The following TMEM178B variants were observed in gnomAD, a reference collection of about 807,000 sequenced individuals.
The protein encoded by TMEM178B is transmembrane protein 178B.
Under a neutral mutation model 31.0 loss-of-function variants are expected in TMEM178B, and 5 were observed. The ratio of observed to expected loss-of-function variants is 0.16; its 90% CI spans 0.08 to 0.34. The LOEUF (loss-of-function observed/expected upper bound fraction) is 0.34. TMEM178B is among the 10% of genes least tolerant of loss of function. The probability of loss-of-function intolerance (pLI) is 1.00; values close to 1 mark genes in which losing one functional copy is unlikely to be tolerated. For missense variants in TMEM178B, 275 were observed against 400.3 expected, an observed-to-expected ratio of 0.69 and a Z score of 2.67; for synonymous variants, 164 against 164.0, an observed-to-expected ratio of 1.00 and a Z score of 0.00.
chr7:141,074,260 A>T lies in TMEM178B; in HGVS notation c.-51A>T, dbSNP rs903633174. 6.9e-7 allele frequency: 1 copy of T among 1,454,326 alleles called. No individual in the cohort carries two copies. Among genetic ancestry groups the T allele is most frequent in the Non-Finnish European group, 9.1e-7 (1 of 1,104,792 alleles). The allele number at this position is 1,454,326 out of a possible 1,614,324, so 90.1% of individuals were successfully genotyped here. On this transcript the variant is annotated 5_prime_UTR_variant, in exon 1 of 4. Coordinates refer to ENST00000565468, the MANE Select transcript of TMEM178B (RefSeq NM_001195278.2). This position sits in a 1 kb window ranked among gnomAD's most constrained non-coding sequence, Gnocchi z 5.1. ...CGCTTTGTTCCGGGTGCGGCGAGGG[A>T]AGGCGAGGCTGCGGCGGATCATGCC... is the stretch of plus-strand genomic sequence containing the variant.
At chr7:141,205,332 C>G (rs7807576) in intron 1 of TMEM178B, among the ~76,000 whole-genome samples, 99,976 of 151,582 alleles carry the variant, frequency 0.66, 33,392 homozygotes, top group Middle Eastern at 0.7. Flanking sequence ...CCATCACGTT[C>G]CAATCCTACC....
intron 3 of TMEM178B, among the ~76,000 whole-genome samples, chr7:141,442,404 A>G (rs906391867): frequency 2.6e-5 from 4 of 152,200 alleles, no homozygotes; most frequent in African/African-American, 4.8e-5. Context: ...ACTTAAAACC[A>G]TAAATCAGAT....
At chr7:141,387,669 A>G (rs901337835) in intron 2 of TMEM178B, among the ~76,000 whole-genome samples, 9 of 152,186 alleles carry the variant, frequency 5.9e-5, no homozygotes, top group Admixed American at 3.3e-4. Context: ...GCCTTCTCGT[A>G]TCTGCGCACC....
chr7:141,272,041 C>G (rs1005659394), intron 2 of TMEM178B, among the ~76,000 whole-genome samples: 1 of 152,174 alleles, frequency 6.6e-6, no homozygotes, highest in African/African-American at 2.4e-5. Context: ...AGTCCTACCC[C>G]CTCTTTGGAC....
chr7:141,466,195 G>A (rs1020093258), intron 3 of TMEM178B, among the ~76,000 whole-genome samples: 1 of 152,148 alleles, frequency 6.6e-6, no homozygotes, highest in Non-Finnish European at 1.5e-5. Flanking sequence ...ACATAAAGGT[G>A]TTTTCCCATC....
intron 1 of TMEM178B, among the ~76,000 whole-genome samples, chr7:141,113,933 T>A (rs987198525): frequency 7.9e-5 from 12 of 152,194 alleles, no homozygotes; most frequent in Admixed American, 2.6e-4. Flanking sequence ...AGTACAGAAA[T>A]GCTATATAGA....
intron 2 of TMEM178B, among the ~76,000 whole-genome samples, chr7:141,292,634 C>CTTTTT (rs34248650): frequency 2.8e-4 from 30 of 106,128 alleles, no homozygotes; most frequent in Non-Finnish European, 3.9e-4. Context: ...GCTTTTAGAT[C>CTTTTT]TTTTTTTTTT....
chr7:141,296,504 C>T (rs1440530132), intron 2 of TMEM178B, among the ~76,000 whole-genome samples: 1 of 152,190 alleles, frequency 6.6e-6, no homozygotes, highest in Non-Finnish European at 1.5e-5. Flanking sequence ...GAATAGACAA[C>T]AGTGCCTGCT....
chr7:141,134,742 A>T (rs1004233017), intron 1 of TMEM178B, among the ~76,000 whole-genome samples: 7 of 152,258 alleles, frequency 4.6e-5, no homozygotes, highest in African/African-American at 1.4e-4. Flanking sequence ...GAATGGATTT[A>T]AAAAATGACA....
rs74917510 is a variant in TMEM178B at position 141,316,552 on chromosome 7, C to CTGTGTGTGTG, written c.496+103856_496+103865dup. Among the ~76,000 whole-genome samples the CTGTGTGTGTG allele has an allele frequency of 2.0e-5, 3 of 150,680 alleles. No homozygotes were observed. The South Asian group carries it at 6.3e-4, about 32-fold the overall frequency. On this transcript the variant is annotated intron_variant, in intron 2 of 3. Coordinates refer to ENST00000565468, the MANE Select transcript of TMEM178B (RefSeq NM_001195278.2). Reference sequence around the variant, plus strand: ...GCCTGGAAAAATTGCCTCTGGACTGCTGTGTGTGTGTGTGTGTCATCCACA... The same window carrying CTGTGTGTGTG: ...GCCTGGAAAAATTGCCTCTGGACTGCTGTGTGTGTGTGTGTGTGTGTGTGTGTCATCCACA...
intron 2 of TMEM178B, among the ~76,000 whole-genome samples, chr7:141,321,809 A>G (rs1325832619): frequency 6.9e-6 from 1 of 144,824 alleles, no homozygotes; most frequent in East Asian, 2.0e-4. Context: ...GGAGTTTCTG[A>G]TCTACTTGTC....
intron 2 of TMEM178B, among the ~76,000 whole-genome samples, chr7:141,399,145 C>G (rs1334315917): frequency 6.6e-6 from 1 of 152,228 alleles, no homozygotes; most frequent in Non-Finnish European, 1.5e-5. Flanking sequence ...ATCCTGACTT[C>G]CCTCCCATTT....
intron 2 of TMEM178B, among the ~76,000 whole-genome samples, chr7:141,397,200 T>C (rs1800673168): frequency 6.6e-6 from 1 of 152,190 alleles, no homozygotes; most frequent in African/African-American, 2.4e-5. Flanking sequence ...AACTGTTTCA[T>C]CCAGCTTCTT....
At chr7:141,169,901 G>A (rs930282811) in intron 1 of TMEM178B, among the ~76,000 whole-genome samples, 2 of 152,190 alleles carry the variant, frequency 1.3e-5, no homozygotes, top group Admixed American at 6.5e-5. Flanking sequence ...TTTCAATAGT[G>A]TATGTTCCCT....
chr7:141,164,492 G>A (rs1036390867), intron 1 of TMEM178B, among the ~76,000 whole-genome samples: 1 of 152,100 alleles, frequency 6.6e-6, no homozygotes, highest in Non-Finnish European at 1.5e-5. Context: ...CTTTGTTGCC[G>A]GTGATGGGAC....
intron 2 of TMEM178B, among the ~76,000 whole-genome samples, chr7:141,424,974 C>T (rs1158643811): frequency 2.6e-5 from 4 of 152,198 alleles, no homozygotes; most frequent in Non-Finnish European, 5.9e-5. Flanking sequence ...GACCAAGACA[C>T]CTTCCCAGAG....
chr7:141,153,638 T>C (rs991332413), intron 1 of TMEM178B, among the ~76,000 whole-genome samples: 2 of 152,238 alleles, frequency 1.3e-5, no homozygotes, highest in East Asian at 3.8e-4. Flanking sequence ...TATTTCATTA[T>C]TTTTAAACTT....
At chr7:141,499,901 C>T in the TMEM178B span, among the ~76,000 whole-genome samples, 8 of 152,132 alleles carry the variant, frequency 5.3e-5, no homozygotes, top group East Asian at 1.9e-4. Flanking sequence ...TGATCACAAA[C>T]GTAATGTGAT....
intron 2 of TMEM178B, among the ~76,000 whole-genome samples, chr7:141,289,169 T>A (rs1372432570): frequency 6.6e-6 from 1 of 152,198 alleles, no homozygotes; most frequent in Non-Finnish European, 1.5e-5. Context: ...GCGGAACACA[T>A]GCCTTTGCCA....
Sources: allele counts gnomAD v4.1 joint callset (sites outside exome capture counted in the v4.1 genomes callset), GRCh38; gene constraint gnomAD v4.1.1; non-coding constraint Gnocchi (gnomAD v3.1); transcripts MANE v1.5; gene names NCBI Gene and HGNC (gene_info 2026-07-23, HGNC 2026-07-21).